Variants in GRAMD2B observed in about 807,000 individuals in gnomAD.
GRAMD2B encodes GRAM domain-containing protein 2B.
A neutral mutation model predicts 59.2 loss-of-function variants in GRAMD2B; 41 were observed. The observed-to-expected ratio is 0.69, with a 90% confidence interval of 0.54 to 0.90. The LOEUF (loss-of-function observed/expected upper bound fraction) is 0.90. Ranked by LOEUF, GRAMD2B falls within the 40% of genes least tolerant of loss-of-function variation. The pLI is 0.00. For missense variants in GRAMD2B, 424 were observed against 500.5 expected (o/e 0.85, Z 1.46); for synonymous variants, 161 against 182.7 (o/e 0.88, Z 0.96).
Position 126,473,253 on chromosome 5 carries a change from A to G in GRAMD2B, c.383-12A>G, listed in dbSNP as rs199635389. 663 of 1,077,970 alleles carry G rather than the reference A, an allele frequency of 6.2e-4. 3 individuals are homozygous for G. In the South Asian group the frequency reaches 6.2e-3, roughly 10 times the overall value. 66.8% of individuals were successfully genotyped at this position (1,077,970 alleles called of 1,614,324 possible). A position where few individuals can be genotyped will look rare whatever the true frequency, so the allele number is the denominator to read the frequency against. On this transcript the variant is annotated splice_polypyrimidine_tract_variant and intron_variant, in intron 4 of 13. Coordinates refer to ENST00000285689, the MANE Select transcript of GRAMD2B (RefSeq NM_023927.4). Reference sequence around the variant, plus strand: ...ATTCTAAATGATGCTGTGCCTGTGTATATTTTCCCAGGCTTTACCTGTGCT... The same window carrying G: ...ATTCTAAATGATGCTGTGCCTGTGTGTATTTTCCCAGGCTTTACCTGTGCT...
intron 1 of GRAMD2B, among the ~76,000 whole-genome samples, chr5:126,443,344 T>C (rs1763617539): frequency 6.6e-6 from 1 of 152,230 alleles, no homozygotes; most frequent in Admixed American, 6.5e-5. Context: ...ACTGTATGGC[T>C]CAGGCGCACC....
chr5:126,412,127 C>T (rs1758859729), intron 1 of GRAMD2B, among the ~76,000 whole-genome samples: 2 of 151,972 alleles, frequency 1.3e-5, no homozygotes, highest in African/African-American at 4.8e-5. Flanking sequence ...ATTGCTCTGA[C>T]GAGGACTTCC....
At chr5:126,404,319 A>G (rs74338954) in intron 1 of GRAMD2B, among the ~76,000 whole-genome samples, 1,524 of 151,992 alleles carry the variant, frequency 0.01, 39 homozygotes, top group African/African-American at 0.035. Context: ...TAAAAGTACC[A>G]GTGTCAACAG....
At chr5:126,466,388 T>C in intron 2 of GRAMD2B, 1 of 789,030 alleles carries the variant, frequency 1.3e-6, no homozygotes, top group Non-Finnish European at 2.2e-6. Context: ...AATTCCCAAT[T>C]ATCTCTCCAT....
chr5:126,421,868 C>G (rs1413734085), upstream of GRAMD2B, among the ~76,000 whole-genome samples: 3 of 152,158 alleles, frequency 2.0e-5, no homozygotes, highest in African/African-American at 7.2e-5. Context: ...CTTTGTAATA[C>G]TCTTAAATCT....
At chr5:126,426,706 G>A (rs935519870) in intron 1 of GRAMD2B, among the ~76,000 whole-genome samples, 1 of 152,198 alleles carries the variant, frequency 6.6e-6, no homozygotes, top group Admixed American at 6.5e-5. Context: ...GATATATACT[G>A]TAATACGCTT....
intron 1 of GRAMD2B, among the ~76,000 whole-genome samples, chr5:126,441,626 C>T (rs762162713): frequency 6.6e-6 from 1 of 152,354 alleles, no homozygotes; most frequent in South Asian, 2.1e-4. Flanking sequence ...CAAGGGAGAA[C>T]TATAAATAAT....
chr5:126,362,731 CAAT>C (rs1754274181), intron 1 of GRAMD2B, among the ~76,000 whole-genome samples: 1 of 151,998 alleles, frequency 6.6e-6, no homozygotes, highest in Non-Finnish European at 1.5e-5. Flanking sequence ...CAAGATAATC[CAAT>C]GGGAAAAGAA....
chr5:126,472,247 A>G lies in GRAMD2B; in HGVS notation c.325A>G (p.Asn109Asp). 1 of 1,613,318 alleles carries G rather than the reference A, an allele frequency of 6.2e-7. No homozygotes were observed. Among genetic ancestry groups the G allele is most frequent in the Non-Finnish European group, 8.5e-7 (1 of 1,179,200 alleles). Residue 109 changes from asparagine (N) to aspartate (D), a missense_variant, in exon 4 of 14, where the codon AAT becomes GAT. Physicochemically the swap from Asn to Asp is conservative, Grantham distance 23 (BLOSUM62 1). Transcript: ENST00000285689. ...KSSSSSQYKA[N>D]MHFHKLFLSV... is the part of the protein sequence containing the mutation. ...TTTGTTCTCATTGTAGTACAAGGCC[A>G]ATATGCACTTTCACAAGTTGTTTCT...
chr5:126,401,818 G>C (rs576116636), intron 1 of GRAMD2B, among the ~76,000 whole-genome samples: 6 of 152,150 alleles, frequency 3.9e-5, no homozygotes, highest in African/African-American at 1.4e-4. Context: ...ATTAAATACT[G>C]TATCTTGAGT....
chr5:126,380,178 T>C (rs1755541397), intron 1 of GRAMD2B, among the ~76,000 whole-genome samples: 1 of 152,182 alleles, frequency 6.6e-6, no homozygotes, highest in South Asian at 2.1e-4. Flanking sequence ...CTTTCCCCAC[T>C]TTTTGTTTTG....
intron 1 of GRAMD2B, among the ~76,000 whole-genome samples, chr5:126,458,200 A>C (rs1057172184): frequency 9.2e-5 from 14 of 152,058 alleles, no homozygotes; most frequent in Admixed American, 8.5e-4. Flanking sequence ...TTTGAGAGGT[A>C]AAGGCAGGTG....
chr5:126,418,975 G>T (rs1439864142), upstream of GRAMD2B, among the ~76,000 whole-genome samples: 1 of 152,108 alleles, frequency 6.6e-6, no homozygotes, highest in Non-Finnish European at 1.5e-5. Context: ...ATCTTGATAA[G>T]GTCATTAACA....
chr5:126,371,410 T>A, exon 1 of GRAMD2B: 2 of 1,270,282 alleles, frequency 1.6e-6, no homozygotes, highest in Non-Finnish European at 2.0e-6. Context: ...GCTTTTAAGG[T>A]TGTTCCTTGA....
chr5:126,481,838 C>G (rs1771901263), intron 8 of GRAMD2B, among the ~76,000 whole-genome samples: 1 of 151,970 alleles, frequency 6.6e-6, no homozygotes, highest in Non-Finnish European at 1.5e-5. Flanking sequence ...CCTGGTGACG[C>G]ATGCCTGTAA....
chr5:126,382,835 G>GATCAGCTCA (rs1580717629), intron 1 of GRAMD2B, among the ~76,000 whole-genome samples: 1 of 152,188 alleles, frequency 6.6e-6, no homozygotes, highest in East Asian at 1.9e-4. Context: ...TCAGAGGGAA[G>GATCAGCTCA]ATCTGGGGCT....
intron 1 of GRAMD2B, among the ~76,000 whole-genome samples, chr5:126,362,399 T>C (rs903403105): frequency 3.9e-5 from 6 of 152,250 alleles, no homozygotes; most frequent in African/African-American, 1.4e-4. Context: ...ATTTCATGCT[T>C]TCTAAATAAC....
At chr5:126,378,709 C>T (rs1434361462) in intron 1 of GRAMD2B, among the ~76,000 whole-genome samples, 1 of 152,126 alleles carries the variant, frequency 6.6e-6, no homozygotes, top group African/African-American at 2.4e-5. Context: ...GAATGAACTC[C>T]CAACAGGAAT....
chr5:126,423,430 T>C lies in GRAMD2B; in HGVS notation c.-177T>C. ...GACCAATCGCGCCCGCTCCGACGTG[T>C]CCAGGTCCGCGGCCCCGGGAGCTTG... On this transcript the variant is annotated 5_prime_UTR_variant, in exon 1 of 14. Coordinates refer to ENST00000285689, the MANE Select transcript of GRAMD2B (RefSeq NM_023927.4). 1 of 1,404,060 alleles carries C rather than the reference T, an allele frequency of 7.1e-7. No homozygotes were observed. Among genetic ancestry groups the C allele is most frequent in the Non-Finnish European group, 9.2e-7 (1 of 1,084,930 alleles). The allele number at this position is 1,404,060 out of a possible 1,614,324, so 87.0% of individuals were successfully genotyped here. A position where few individuals can be genotyped will look rare whatever the true frequency, so the allele number is the denominator to read the frequency against.
Sources: allele counts gnomAD v4.1 joint callset (sites outside exome capture counted in the v4.1 genomes callset), GRCh38; gene constraint gnomAD v4.1.1; transcripts MANE v1.5; gene names NCBI Gene and HGNC (gene_info 2026-07-23, HGNC 2026-07-21).